HBP1: variants seen among roughly 807,000 people sequenced by gnomAD.
The protein encoded by HBP1 is HMG-box transcription factor 1.
Under a neutral mutation model 62.6 loss-of-function variants are expected in HBP1, and 20 were observed. That is an observed-to-expected ratio of 0.32 (90% confidence interval 0.22 to 0.46). HBP1 has a LOEUF of 0.46. HBP1 is among the 20% of genes least tolerant of loss of function. The pLI, the probability that HBP1 is intolerant of heterozygous loss-of-function variation, is 1.00. For synonymous variants in HBP1, 232 were observed against 206.2 expected (o/e 1.12, Z -1.07); for missense variants, 480 against 611.8 (o/e 0.78, Z 2.27).
chr7:107,184,998 T>C (rs1412798374), intron 3 of HBP1, among the ~76,000 whole-genome samples: 1 of 152,144 alleles, frequency 6.6e-6, no homozygotes, highest in African/African-American at 2.4e-5. Flanking sequence ...TCCATACACA[T>C]CATTCATCAT....
At chr7:107,198,878 G>GTCA (rs1333397960) in intron 9 of HBP1, among the ~76,000 whole-genome samples, 7 of 152,122 alleles carry the variant, frequency 4.6e-5, no homozygotes, top group African/African-American at 1.2e-4. Flanking sequence ...TTCATTACCT[G>GTCA]TCATCTTTTA....
At position 107,195,274 on chromosome 7, in the gene HBP1, G is replaced by A. The variant is rs556329005; in HGVS notation, c.1068-560G>A. On this transcript the variant is annotated intron_variant, in intron 8 of 10. Transcript: ENST00000222574. ...TGACCTCAGGTGATCCACCCACCTC[G>A]GCCTCCCAAACTGTTGGGATTACAG... Among the ~76,000 whole-genome samples the A allele has an allele frequency of 2.6e-5, 4 of 152,248 alleles. No homozygotes were observed. The South Asian group carries it at 8.3e-4, about 32-fold the overall frequency.
chr7:107,183,139 G>A (rs1254580051), intron 3 of HBP1, among the ~76,000 whole-genome samples: 1 of 152,188 alleles, frequency 6.6e-6, no homozygotes, highest in Non-Finnish European at 1.5e-5. Flanking sequence ...ATGAGTGGTT[G>A]TGCTATGAAA....
chr7:107,188,319 C>A (rs948454647), intron 6 of HBP1, among the ~76,000 whole-genome samples: 1 of 152,198 alleles, frequency 6.6e-6, no homozygotes, highest in Non-Finnish European at 1.5e-5. Context: ...CCTATTCTTT[C>A]AAAGTTGTTA....
intron 1 of HBP1, chr7:107,174,358 A>G (rs1796738299): frequency 1.8e-6 from 1 of 555,698 alleles, no homozygotes; most frequent in Non-Finnish European, 2.3e-6. Flanking sequence ...TAGAACTTAT[A>G]TTCAGTAAAT....
intron 9 of HBP1, among the ~76,000 whole-genome samples, chr7:107,198,954 G>A (rs1238830086): frequency 6.6e-6 from 1 of 152,038 alleles, no homozygotes. Flanking sequence ...CTTTCCTACT[G>A]TGGATGACTG....
At position 107,179,998 on chromosome 7, in the gene HBP1, G is replaced by T; in HGVS notation, c.105G>T (p.Leu35=). The T allele has an allele frequency of 6.2e-7, 1 of 1,610,162 alleles. No homozygotes were observed. The highest frequency in any genetic ancestry group is 8.5e-7 in the Non-Finnish European group (1 of 1,176,800). The change falls in exon 2 of 11, where the codon CTG becomes CTT. Residue 35 remains leucine (L), a synonymous_variant. Coordinates refer to ENST00000222574, the MANE Select transcript of HBP1 (RefSeq NM_012257.4). ...GAATGAATGACTCATTGGAGTTGCT[G>T]CAGTGTAATGAGAATTTGCCATCTT... The part of the protein sequence containing the change: ...ASGMNDSLEL[L]QCNENLPSSP...
rs777440206 is a variant in HBP1 at position 107,190,270 on chromosome 7, C to T, written c.1020C>T (p.Pro340=). The T allele has an allele frequency of 1.1e-5, 17 of 1,610,340 alleles. No homozygotes were observed. Among genetic ancestry groups the T allele is most frequent in the South Asian group, 5.5e-5 (5 of 90,938 alleles). ...ATGTATGTCTACCTCCTGGACACCC[C>T]GATGCCATTAATTTTGATGATTCAG... is the stretch of plus-strand genomic sequence containing the variant. ...IGDVCLPPGH[P]DAINFDDSGV... The change falls in exon 8 of 11, where the codon CCC becomes CCT. Residue 340 remains proline, a synonymous_variant. Transcript: ENST00000222574.
At chr7:107,193,885 G>A (rs529146474) in intron 8 of HBP1, among the ~76,000 whole-genome samples, 1 of 152,246 alleles carries the variant, frequency 6.6e-6, no homozygotes, top group South Asian at 2.1e-4. Flanking sequence ...TCTGTAGAAT[G>A]GGGATAATAT....
Position 107,171,073 on chromosome 7 carries a change from A to ATATATATTTTT in HBP1, c.-16+1889_-16+1890insATATATTTTTT. ...TATATATATATATATATATATATAT[A>ATATATATTTTT]TTTTTTTTTTTTTTTGAGAGGGAGT... is the stretch of plus-strand genomic sequence containing the variant. On this transcript the variant is annotated intron_variant, in intron 1 of 10. Coordinates refer to ENST00000222574, the MANE Select transcript of HBP1 (RefSeq NM_012257.4). Among the ~76,000 whole-genome samples, 19 of 87,200 alleles carry ATATATATTTTT rather than the reference A, an allele frequency of 2.2e-4. 4 individuals carry two copies. Among genetic ancestry groups the ATATATATTTTT allele is most frequent in the African/African-American group, 1.2e-3 (18 of 15,124 alleles). 57.2% of individuals were successfully genotyped at this position (87,200 alleles called of 152,430 possible).
intron 1 of HBP1, among the ~76,000 whole-genome samples, chr7:107,171,410 G>A (rs1036221323): frequency 1.3e-5 from 2 of 151,770 alleles, no homozygotes; most frequent in Non-Finnish European, 2.9e-5. Flanking sequence ...CTCACTAATC[G>A]AAGTGGCCAG....
chr7:107,183,032 A>G (rs1797182891), intron 3 of HBP1, among the ~76,000 whole-genome samples: 1 of 152,172 alleles, frequency 6.6e-6, no homozygotes, highest in Non-Finnish European at 1.5e-5. Flanking sequence ...CTGTTTGCTA[A>G]TTCTAAAATT....
chr7:107,170,094 A>G, intron 1 of HBP1: 1 of 985,366 alleles, frequency 1.0e-6, no homozygotes, highest in South Asian at 4.7e-5. Context: ...GGGAGTTTTC[A>G]GCTACAGTCG....
Position 107,182,442 on chromosome 7 carries a change from A to G in HBP1, c.239A>G (p.Asp80Gly), listed in dbSNP as rs777530166. Residue 80 changes from aspartate (D) to glycine (G), a missense_variant, in exon 3 of 11, where the codon GAT (aspartate) becomes GGT (glycine). Physicochemically the swap from Asp to Gly is moderately conservative, Grantham distance 94. Transcript: ENST00000222574. The part of the protein sequence containing the change: ...TQSGMYQLSS[D>G]VSHQEYPRSS... ...TCTGGCATGTACCAGCTGAGTTCAG[A>G]TGTTTCACATCAAGAATACCCAAGA... is the stretch of plus-strand genomic sequence containing the variant. The G allele has an allele frequency of 6.2e-7, 1 of 1,613,664 alleles. No homozygotes were observed. Among genetic ancestry groups the G allele is most frequent in the Non-Finnish European group, 8.5e-7 (1 of 1,179,570 alleles).
chr7:107,198,223 T>C (rs1798022879), intron 9 of HBP1, among the ~76,000 whole-genome samples: 2 of 152,284 alleles, frequency 1.3e-5, no homozygotes, highest in Middle Eastern at 6.8e-3. Context: ...TTTTTTTTTT[T>C]TATGAGATGG....
chr7:107,169,433 G>A (rs1237077157), intron 1 of HBP1, among the ~76,000 whole-genome samples: 2 of 150,010 alleles, frequency 1.3e-5, no homozygotes, highest in African/African-American at 4.9e-5. Context: ...GGAGGAGGCA[G>A]GGGGAGGGCG....
rs553561805 is a variant in HBP1, at chr7:107,179,706, A to G, written c.-15-173A>G. On this transcript the variant is annotated intron_variant, in intron 1 of 10. Transcript: ENST00000222574. ...AGAATCGCTTGAACCCAGGAGGTGG[A>G]GTTTGCAGTGAGCCGAGATCACGCC... is the stretch of plus-strand genomic sequence containing the variant. The G allele has an allele frequency of 1.9e-3, 726 of 384,512 alleles. 2 individuals are homozygous for G. The highest frequency in any genetic ancestry group is 3.0e-3 in the Non-Finnish European group (634 of 210,500). The allele number at this position is 384,512 out of a possible 1,614,324, so 23.8% of individuals were successfully genotyped here.
At position 107,192,427 on chromosome 7, in the gene HBP1, A is replaced by G. The variant is rs1302792051; in HGVS notation, c.1067+2110A>G. 4 of 152,208 alleles carry G rather than the reference A, an allele frequency of 2.6e-5. No homozygotes were observed. In the South Asian group the frequency reaches 8.3e-4, roughly 32 times the overall value. The allele number at this position is 152,208 out of a possible 1,614,324, so 9.4% of individuals were successfully genotyped here. On this transcript the variant is annotated intron_variant, in intron 8 of 10. Transcript: ENST00000222574. ...AAACTAATGCTACTGTAGTATTTATATGTTGTATTTATGAGTAATATTTTC... is the reference window on the plus strand; with the variant it reads ...AAACTAATGCTACTGTAGTATTTATGTGTTGTATTTATGAGTAATATTTTC...
At chr7:107,199,522 A>AT (rs1245258317) in intron 9 of HBP1, among the ~76,000 whole-genome samples, 1 of 152,256 alleles carries the variant, frequency 6.6e-6, no homozygotes, top group Non-Finnish European at 1.5e-5. Context: ...TTTGGCTTCC[A>AT]TATCAGTCAG....
Sources: allele counts gnomAD v4.1 joint callset (sites outside exome capture counted in the v4.1 genomes callset), GRCh38; gene constraint gnomAD v4.1.1; transcripts MANE v1.5; gene names NCBI Gene and HGNC (gene_info 2026-07-23, HGNC 2026-07-21).